Variants in ZNF469 observed in about 807,000 individuals in gnomAD.
ZNF469 encodes zinc finger protein 469.
Under a neutral mutation model 1.0 loss-of-function variants are expected in ZNF469, and 1 was observed. The observed-to-expected ratio is 1.00, with a 90% CI of 0.35 to 4.73. ZNF469 has a LOEUF of 4.73. ZNF469 is among the 30% of genes most tolerant of loss of function. The pLI, the probability that ZNF469 is intolerant of heterozygous loss-of-function variation, is 0.16. For synonymous variants in ZNF469, 2,703 were observed against 2,363.4 expected (o/e 1.14, Z -4.17); for missense variants, 6,100 against 5,356.3 (o/e 1.14, Z -4.33).
the ZNF469 span, among the ~76,000 whole-genome samples, chr16:88,160,778 A>G: frequency 6.6e-6 from 1 of 152,156 alleles, no homozygotes; most frequent in African/African-American, 2.4e-5. Context: ...TTTCCCACCC[A>G]GCAGCCTGCG....
chr16:88,134,664 T>G, the ZNF469 span, among the ~76,000 whole-genome samples: 4,060 of 152,304 alleles, frequency 0.027, 175 homozygotes, highest in African/African-American at 0.093. Context: ...CGACCCCGTG[T>G]GGGTGTGCCC....
At chr16:88,381,398 G>A (rs1290814162), upstream of ZNF469, among the ~76,000 whole-genome samples, 4 of 148,516 alleles carry the variant, frequency 2.7e-5, no homozygotes, top group East Asian at 2.0e-4. Flanking sequence ...TCACACACAC[G>A]CACTCACACA....
At chr16:88,403,105 C>G (rs543266083) in intron 1 of ZNF469, among the ~76,000 whole-genome samples, 1 of 152,212 alleles carries the variant, frequency 6.6e-6, no homozygotes, top group Admixed American at 6.5e-5. Flanking sequence ...TGGGAGGGAT[C>G]GGGGAGTCCA....
the ZNF469 span, among the ~76,000 whole-genome samples, chr16:88,127,136 T>C: frequency 3.9e-5 from 6 of 152,166 alleles, no homozygotes; most frequent in Non-Finnish European, 7.4e-5. Context: ...TTTCATGTTT[T>C]CTGGGATGGA....
the ZNF469 span, among the ~76,000 whole-genome samples, chr16:88,356,300 A>G: frequency 6.6e-6 from 1 of 152,128 alleles, no homozygotes; most frequent in South Asian, 2.1e-4. Context: ...CAGTCCTGCC[A>G]CTGCCCAGCT....
upstream of ZNF469, among the ~76,000 whole-genome samples, chr16:88,382,357 G>A (rs556715490): frequency 6.6e-6 from 1 of 152,224 alleles, no homozygotes; most frequent in African/African-American, 2.4e-5. Flanking sequence ...TCCCTCTCTA[G>A]GGGCCTGGAT....
the ZNF469 span, among the ~76,000 whole-genome samples, chr16:88,348,672 G>T: frequency 6.6e-6 from 1 of 152,204 alleles, no homozygotes; most frequent in Admixed American, 6.5e-5. Context: ...GACCCCTGCC[G>T]TGAGACGTGG....
At chr16:88,229,554 A>G in the ZNF469 span, among the ~76,000 whole-genome samples, 222 of 135,944 alleles carry the variant, frequency 1.6e-3, no homozygotes, top group Middle Eastern at 0.017. Context: ...TGGATGTCAC[A>G]CGTGTGGATG....
intron 1 of ZNF469, among the ~76,000 whole-genome samples, chr16:88,411,459 AGTGGGCAGGGGTGCAAGCAGGCAGGGGT>A: frequency 1.8e-5 from 1 of 57,084 alleles, no homozygotes; most frequent in South Asian, 6.8e-4. Context: ...CAGGGGTGCG[AGTGGGCAGGGGTGCAAGCAGGCAGGGGT>A]GCGAGCGGGC....
the ZNF469 span, among the ~76,000 whole-genome samples, chr16:88,291,633 G>A: frequency 2.4e-4 from 37 of 152,034 alleles, no homozygotes; most frequent in African/African-American, 6.0e-4. Flanking sequence ...TTGTGTATCC[G>A]TCTTACACCC....
chr16:88,245,683 G>T, the ZNF469 span, among the ~76,000 whole-genome samples: 1 of 152,262 alleles, frequency 6.6e-6, no homozygotes, highest in Non-Finnish European at 1.5e-5. Context: ...TGCCTACAGA[G>T]CTCATGAGTC....
chr16:88,169,041 C>T, the ZNF469 span, among the ~76,000 whole-genome samples: 15 of 151,986 alleles, frequency 9.9e-5, no homozygotes, highest in Non-Finnish European at 1.3e-4. The surrounding 1 kb of genome is among the most constrained non-coding windows in gnomAD (Gnocchi z 6.1). Flanking sequence ...TGAACATTCA[C>T]GTTGGGGGAC....
chr16:88,394,225 G>A (rs1165719656), intron 1 of ZNF469, among the ~76,000 whole-genome samples: 1 of 151,246 alleles, frequency 6.6e-6, no homozygotes, highest in East Asian at 2.0e-4. Context: ...ATGTACACCT[G>A]TGCTGTCCAA....
chr16:88,411,581 T>C (rs73253621), intron 1 of ZNF469, among the ~76,000 whole-genome samples: 1,603 of 149,498 alleles, frequency 0.011, 37 homozygotes, highest in African/African-American at 0.038. Context: ...TCAGGTGTGT[T>C]TGGAAGGACC....
chr16:88,163,688 G>T, the ZNF469 span, among the ~76,000 whole-genome samples: 1 of 151,938 alleles, frequency 6.6e-6, no homozygotes, highest in African/African-American at 2.4e-5. Context: ...ATATATGGGT[G>T]GGTGGATGTA....
the ZNF469 span, among the ~76,000 whole-genome samples, chr16:88,145,257 T>G: frequency 6.6e-6 from 1 of 152,234 alleles, no homozygotes; most frequent in East Asian, 1.9e-4. Context: ...CCGACTAGCA[T>G]TTTAAAAGCA....
At chr16:88,410,217 A>G (rs1465562608) in intron 1 of ZNF469, among the ~76,000 whole-genome samples, 1 of 147,342 alleles carries the variant, frequency 6.8e-6, no homozygotes, top group Non-Finnish European at 1.5e-5. Context: ...TGCAGGTCAG[A>G]CAGTTCACGG....
chr16:88,274,049 T>C, the ZNF469 span, among the ~76,000 whole-genome samples: 152,211 of 152,280 alleles, frequency 1, 76,071 homozygotes, highest in Middle Eastern at 1. Flanking sequence ...GTGATCCGCC[T>C]GCCTCGGCCT....
the ZNF469 span, among the ~76,000 whole-genome samples, chr16:88,104,248 TAAAAA>T: frequency 7.7e-6 from 1 of 130,484 alleles, no homozygotes; most frequent in Non-Finnish European, 1.6e-5. Flanking sequence ...GACGGTATCT[TAAAAA>T]AAAAAAAAAA....
Sources: allele counts gnomAD v4.1 joint callset (sites outside exome capture counted in the v4.1 genomes callset), GRCh38; gene constraint gnomAD v4.1.1; non-coding constraint Gnocchi (gnomAD v3.1); transcripts MANE v1.5; gene names NCBI Gene and HGNC (gene_info 2026-07-23, HGNC 2026-07-21).